KIZ: variants seen among roughly 807,000 people sequenced by gnomAD.
KIZ encodes centrosomal protein kizuna.
KIZ carries 68 observed loss-of-function variants against 79.6 expected under a neutral mutation model. That is an observed-to-expected ratio of 0.85 (90% CI 0.70 to 1.05). KIZ has a LOEUF of 1.05. Among genes scored for constraint, KIZ ranks in the 50% least tolerant of loss-of-function variants. The pLI, the probability that KIZ is intolerant of heterozygous loss-of-function variation, is 0.00. For missense variants in KIZ, 797 were observed against 800.4 expected (o/e 1.00, Z 0.05); for synonymous variants, 280 against 281.8 (o/e 0.99, Z 0.06).
chr20:21,173,485 G>A (rs1162076587), intron 6 of KIZ, among the ~76,000 whole-genome samples: 1 of 151,290 alleles, frequency 6.6e-6, no homozygotes, highest in African/African-American at 2.4e-5. Context: ...GGCTGAGCCA[G>A]GAGAATTGCT....
rs1303703337 is a variant in KIZ at position 21,136,441 on chromosome 20, A to G, written c.204A>G (p.Glu68=). The G allele has an allele frequency of 2.5e-6, 4 of 1,571,622 alleles. No individual in the cohort carries two copies. The highest frequency in any genetic ancestry group is 2.6e-6 in the Non-Finnish European group (3 of 1,151,248). The change falls in exon 3 of 13, where the codon GAA becomes GAG. Residue 68 remains glutamate (E), a synonymous_variant. Transcript: ENST00000619189. ...AGAATTATCTGAAGGAAATATGTGA[A>G]TCTGAAAAGAAGGCTCATACTCGAA... ...KLKNYLKEIC[E]SEKKAHTRNQ...
chr20:21,231,232 G>A (rs1227539270), intron 10 of KIZ, among the ~76,000 whole-genome samples: 1 of 152,114 alleles, frequency 6.6e-6, no homozygotes, highest in Non-Finnish European at 1.5e-5. Context: ...GCTGAGGCAG[G>A]AGAATGGCTT....
intron 4 of KIZ, among the ~76,000 whole-genome samples, chr20:21,160,514 G>GTT (rs1568930931): frequency 1.3e-5 from 2 of 152,092 alleles, no homozygotes; most frequent in African/African-American, 4.8e-5. Flanking sequence ...ATGTTTGTGT[G>GTT]TGTGGCCTCC....
chr20:21,169,117 A>C (rs1222634261), intron 6 of KIZ, among the ~76,000 whole-genome samples: 1 of 152,208 alleles, frequency 6.6e-6, no homozygotes, highest in Admixed American at 6.5e-5. Context: ...TCTGCACAGC[A>C]AAAGAAACAA....
chr20:21,142,255 T>G (rs2032595267), intron 3 of KIZ, among the ~76,000 whole-genome samples: 1 of 152,130 alleles, frequency 6.6e-6, no homozygotes, highest in African/African-American at 2.4e-5. Flanking sequence ...TGTGTCATAA[T>G]TATCTCAGTA....
intron 11 of KIZ, among the ~76,000 whole-genome samples, chr20:21,237,032 T>C (rs1013129625): frequency 6.7e-6 from 1 of 149,472 alleles, no homozygotes; most frequent in African/African-American, 2.5e-5. Context: ...CTGGGTGCGG[T>C]GGCTCACACC....
intron 9 of KIZ, among the ~76,000 whole-genome samples, chr20:21,223,976 C>T (rs2036582659): frequency 6.6e-6 from 1 of 151,530 alleles, no homozygotes; most frequent in South Asian, 2.1e-4. Flanking sequence ...CTGCACCCGG[C>T]CTTATTTCCT....
intron 6 of KIZ, among the ~76,000 whole-genome samples, chr20:21,190,272 C>T (rs891137064): frequency 5.3e-5 from 8 of 152,230 alleles, no homozygotes; most frequent in Admixed American, 1.3e-4. Flanking sequence ...TCACAGTTGA[C>T]GGCTGGGCAT....
intron 7 of KIZ, among the ~76,000 whole-genome samples, chr20:21,207,309 C>T (rs535557531): frequency 2.6e-5 from 4 of 151,572 alleles, no homozygotes; most frequent in Admixed American, 2.6e-4. Context: ...AGTAGCAGGA[C>T]TTTTTTTTTA....
In KIZ at chr20:21,166,333, A is replaced by AT. The variant is rs2033937204; in HGVS notation, c.1352+3179dup. On this transcript the variant is annotated intron_variant, in intron 6 of 12. Coordinates refer to ENST00000619189, the MANE Select transcript of KIZ (RefSeq NM_018474.6). ...CAGGATGGAAGCAGATTATTCTGCC[A>AT]TTTTTCCAGGTCTTTGAGTTGCACG... is the stretch of plus-strand genomic sequence containing the variant. The AT allele has an allele frequency of 2.5e-6, 4 of 1,604,726 alleles. No homozygotes were observed. In the East Asian group the frequency reaches 6.7e-5, roughly 27 times the overall value.
chr20:21,161,356 T>G (rs1159953437), intron 4 of KIZ, among the ~76,000 whole-genome samples: 1 of 152,240 alleles, frequency 6.6e-6, no homozygotes, highest in Non-Finnish European at 1.5e-5. Context: ...TACTTTCTTT[T>G]TTTTGAGATG....
chr20:21,195,246 G>A (rs2035288528), intron 6 of KIZ: 1 of 152,272 alleles, frequency 6.6e-6, no homozygotes, highest in African/African-American at 2.4e-5. Flanking sequence ...GTCCTGGCAG[G>A]ACAATCAAGC....
At chr20:21,222,851 T>C (rs2036543746) in intron 9 of KIZ, among the ~76,000 whole-genome samples, 1 of 152,200 alleles carries the variant, frequency 6.6e-6, no homozygotes, top group South Asian at 2.1e-4. Flanking sequence ...TTAACTAATA[T>C]ATCTGTAAAG....
chr20:21,238,597 T>G (rs190701397), intron 11 of KIZ, among the ~76,000 whole-genome samples: 139 of 152,240 alleles, frequency 9.1e-4, no homozygotes, highest in African/African-American at 3.2e-3. Flanking sequence ...GCCCTGACCT[T>G]GATGAGAGCT....
At chr20:21,136,278 G>A in intron 2 of KIZ, 112 bp from the exon 3 acceptor site, 1 of 669,002 alleles carries the variant, frequency 1.5e-6, no homozygotes, top group South Asian at 2.2e-5. Flanking sequence ...GGTGGTTTGG[G>A]TAAAATACCT....
chr20:21,216,665 G>A (rs566016601), intron 9 of KIZ, among the ~76,000 whole-genome samples: 311 of 152,236 alleles, frequency 2.0e-3, no homozygotes, highest in Middle Eastern at 3.4e-3. Flanking sequence ...ATGGCTCCCT[G>A]CTATTTTTAT....
intron 9 of KIZ, among the ~76,000 whole-genome samples, chr20:21,223,763 A>G (rs1380913765): frequency 6.9e-6 from 1 of 145,318 alleles, no homozygotes; most frequent in African/African-American, 2.6e-5. Context: ...TCCACTTCCC[A>G]GGTTCAAGTG....
chr20:21,132,128 C>A lies in KIZ; in HGVS notation c.121C>A (p.Leu41Ile). 2 of 1,469,456 alleles carry A rather than the reference C, an allele frequency of 1.4e-6. No homozygotes were observed. The highest frequency in any genetic ancestry group is 1.9e-6 in the Non-Finnish European group (2 of 1,077,592). The allele number at this position is 1,469,456 out of a possible 1,614,324, so 91.0% of individuals were successfully genotyped here. The change falls in exon 2 of 13, where the codon CTT (leucine) becomes ATT (isoleucine). Residue 41 changes from leucine to isoleucine, a missense_variant. Leu to Ile is a conservative substitution (Grantham distance 5, BLOSUM62 2). Transcript: ENST00000619189. Reference protein sequence around the residue: ...EKKRLDLEKKLYEYNQSDTCR... With the variant: ...EKKRLDLEKKIYEYNQSDTCR... ...GAAGAGATTGGACCTGGAAAAGAAA[C>A]TTTATGAATATAATCAGTCTGATAC...
At chr20:21,132,289 T>C (rs2031901328) in intron 2 of KIZ, 130 bp downstream of exon 2, 1 of 564,020 alleles carries the variant, frequency 1.8e-6, no homozygotes, top group Non-Finnish European at 3.1e-6. Context: ...TTTAGTTTTT[T>C]TGAGATGGAG....
Sources: gnomAD v4.1 joint callset for allele counts (sites outside exome capture counted in the v4.1 genomes callset) on GRCh38, gnomAD v4.1.1 for gene constraint, MANE v1.5 for transcripts, NCBI Gene and HGNC (gene_info 2026-07-23, HGNC 2026-07-21) for gene names.